The following BRINP3 variants were observed in gnomAD, a reference collection of about 807,000 sequenced individuals.
The protein encoded by BRINP3 is BMP/retinoic acid inducible neural specific 3, also known as BMP/retinoic acid-inducible neural-specific protein 3.
BRINP3 carries 19 observed loss-of-function variants against 71.0 expected under a neutral mutation model. The ratio of observed to expected loss-of-function variants is 0.27; its 90% CI spans 0.19 to 0.39. BRINP3 has a LOEUF of 0.39. Ranked by LOEUF, BRINP3 falls within the 10% of genes least tolerant of loss-of-function variation. The pLI is 1.00. For synonymous variants in BRINP3, 380 were observed against 337.7 expected, an observed-to-expected ratio of 1.13 and a Z score of -1.37; for missense variants, 959 against 940.8, an observed-to-expected ratio of 1.02 and a Z score of -0.25.
chr1:190,165,460 T>G (rs866127138), intron 6 of BRINP3, among the ~76,000 whole-genome samples: 1,573 of 95,190 alleles, frequency 0.017, 33 homozygotes, highest in Non-Finnish European at 0.022. Context: ...TTTTTTTTTT[T>G]TGTGTGTGTG....
intron 6 of BRINP3, 89 bp from the exon 7 acceptor site, chr1:190,160,979 C>A: frequency 2.5e-6 from 2 of 804,154 alleles, no homozygotes; most frequent in Non-Finnish European, 3.9e-6. Flanking sequence ...AGAACAAATA[C>A]ATATACACAT....
At chr1:190,321,405 G>A (rs941593724) in intron 2 of BRINP3, among the ~76,000 whole-genome samples, 4 of 152,026 alleles carry the variant, frequency 2.6e-5, no homozygotes, top group African/African-American at 9.7e-5. Flanking sequence ...ATGCATAAAA[G>A]AGGAAGCAAA....
At chr1:190,124,075 G>A (rs2102328231) in intron 7 of BRINP3, among the ~76,000 whole-genome samples, 1 of 152,234 alleles carries the variant, frequency 6.6e-6, no homozygotes, top group East Asian at 1.9e-4. Flanking sequence ...TAACATACAT[G>A]AGTTGGAAAC....
intron 2 of BRINP3, among the ~76,000 whole-genome samples, chr1:190,409,171 ACTGGAGTATTG>A (rs1469093937): frequency 1.3e-5 from 2 of 152,088 alleles, no homozygotes; most frequent in Non-Finnish European, 2.9e-5. Context: ...GGAGGCCAAC[ACTGGAGTATTG>A]CTTGAGTCCT....
At chr1:190,201,867 T>C (rs1222363800) in intron 6 of BRINP3, among the ~76,000 whole-genome samples, 1 of 152,208 alleles carries the variant, frequency 6.6e-6, no homozygotes, top group Non-Finnish European at 1.5e-5. Context: ...AATGCCTGGA[T>C]GTCCAGGCAG....
chr1:190,137,009 T>G (rs1407353600), intron 7 of BRINP3, among the ~76,000 whole-genome samples: 2 of 152,232 alleles, frequency 1.3e-5, no homozygotes, highest in African/African-American at 4.8e-5. Flanking sequence ...TCTCACAATA[T>G]CTGGATGAGT....
intron 2 of BRINP3, among the ~76,000 whole-genome samples, chr1:190,289,702 T>A (rs1411245236): frequency 6.6e-6 from 1 of 151,940 alleles, no homozygotes; most frequent in Non-Finnish European, 1.5e-5. Flanking sequence ...ACCATCTTCT[T>A]TTGGGGATTT....
At chr1:190,194,221 C>T (rs1313609995) in intron 6 of BRINP3, among the ~76,000 whole-genome samples, 1 of 152,046 alleles carries the variant, frequency 6.6e-6, no homozygotes, top group Non-Finnish European at 1.5e-5. Flanking sequence ...TTGCTGTAAG[C>T]ATAATCACAG....
chr1:190,281,625 T>G lies in BRINP3; in HGVS notation c.362A>C (p.Gln121Pro), dbSNP rs1460399007. ...IRLLGRRPTLQQITENLIKKY... is the reference protein window; with the variant it reads ...IRLLGRRPTLPQITENLIKKY... ...CTTGATAAGGTTTTCTGTGATTTGC[T>G]GAAGGGTAGGTCGACGTCCCAAAAG... The change falls in exon 3 of 8, where the codon CAG becomes CCG. Residue 121 changes from glutamine (Q) to proline (P), a missense_variant. Coordinates refer to ENST00000367462, the MANE Select transcript of BRINP3 (RefSeq NM_199051.3). The G allele has an allele frequency of 1.2e-6, 2 of 1,612,920 alleles. No homozygotes were observed. Among genetic ancestry groups the G allele is most frequent in the Admixed American group, 3.3e-5 (2 of 59,858 alleles).
intron 3 of BRINP3, among the ~76,000 whole-genome samples, chr1:190,274,164 T>C (rs913634059): frequency 2.6e-5 from 4 of 151,470 alleles, no homozygotes; most frequent in African/African-American, 9.7e-5. Flanking sequence ...GACACATAGA[T>C]CAGAATCACA....
At chr1:190,108,675 A>C (rs76983035) in intron 7 of BRINP3, among the ~76,000 whole-genome samples, 2,656 of 150,204 alleles carry the variant, frequency 0.018, 84 homozygotes, top group African/African-American at 0.062. Flanking sequence ...ATTAACTTAA[A>C]TTACTATCTC....
intron 2 of BRINP3, among the ~76,000 whole-genome samples, chr1:190,410,990 G>A (rs758918847): frequency 2.0e-5 from 3 of 151,804 alleles, no homozygotes; most frequent in Non-Finnish European, 4.4e-5. Context: ...AAGGCAAAGG[G>A]TCAAAAAAAA....
chr1:190,229,627 T>C (rs530793000), intron 5 of BRINP3, among the ~76,000 whole-genome samples: 3 of 112,210 alleles, frequency 2.7e-5, no homozygotes, highest in Non-Finnish European at 5.7e-5. Context: ...ATACCCAGAG[T>C]AAAGAAAAAC....
At position 190,308,834 on chromosome 1, in the gene BRINP3, T is replaced by C. The variant is rs188134770; in HGVS notation, c.237-27084A>G. ...ATATATGTTTATATGTGTTAATATT[T>C]CTAAAGTTACAACTAAAATGGTGCA... is the stretch of plus-strand genomic sequence containing the variant. On this transcript the variant is annotated intron_variant, in intron 2 of 7. Coordinates refer to ENST00000367462, the MANE Select transcript of BRINP3 (RefSeq NM_199051.3). Among the ~76,000 whole-genome samples, 43 of 152,106 alleles carry C rather than the reference T, an allele frequency of 2.8e-4. No individual in the cohort carries two copies. In the East Asian group the frequency reaches 6.8e-3, roughly 24 times the overall value.
At chr1:190,305,968 T>C (rs1377981577) in intron 2 of BRINP3, among the ~76,000 whole-genome samples, 3 of 151,898 alleles carry the variant, frequency 2.0e-5, no homozygotes, top group Admixed American at 1.3e-4. Context: ...CTATATGTCC[T>C]ATCACATGCA....
intron 2 of BRINP3, among the ~76,000 whole-genome samples, chr1:190,440,962 AT>A (rs940952318): frequency 2.0e-5 from 3 of 151,968 alleles, no homozygotes; most frequent in Admixed American, 6.6e-5. Flanking sequence ...CCTAGATTGT[AT>A]TTTTATAGGC....
intron 2 of BRINP3, among the ~76,000 whole-genome samples, chr1:190,324,357 T>C (rs1208137666): frequency 6.6e-6 from 1 of 151,826 alleles, no homozygotes; most frequent in East Asian, 1.9e-4. Flanking sequence ...CTCCAATACA[T>C]AAAGCTGGGT....
At chr1:190,194,516 G>A (rs773104481) in intron 6 of BRINP3, among the ~76,000 whole-genome samples, 2 of 152,060 alleles carry the variant, frequency 1.3e-5, no homozygotes, top group African/African-American at 4.8e-5. Context: ...TGAGATCACT[G>A]TTTGATTAGG....
At chr1:190,141,643 C>A (rs1365181097) in intron 7 of BRINP3, among the ~76,000 whole-genome samples, 1 of 147,922 alleles carries the variant, frequency 6.8e-6, no homozygotes, top group African/African-American at 2.5e-5. Context: ...CTCACTGCAA[C>A]CTCCACCTCC....
Sources: gnomAD v4.1 joint callset for allele counts (sites outside exome capture counted in the v4.1 genomes callset) on GRCh38, gnomAD v4.1.1 for gene constraint, MANE v1.5 for transcripts, NCBI Gene and HGNC (gene_info 2026-07-23, HGNC 2026-07-21) for gene names.